LRBA: variants seen among roughly 807,000 people sequenced by gnomAD.
The protein encoded by LRBA is lipopolysaccharide-responsive and beige-like anchor protein.
LRBA carries 176 observed loss-of-function variants against 330.0 expected under a neutral mutation model. The ratio of observed to expected loss-of-function variants is 0.53; its 90% CI spans 0.47 to 0.60. The LOEUF (loss-of-function observed/expected upper bound fraction) is 0.60, where lower values mean the gene tolerates loss of function less well. Among genes scored for constraint, LRBA ranks in the 20% least tolerant of loss-of-function variants. The probability of loss-of-function intolerance (pLI) is 0.00; values close to 1 mark genes in which losing one functional copy is unlikely to be tolerated. For missense variants in LRBA, 3,259 were observed against 3,444.8 expected, an observed-to-expected ratio of 0.95 and a Z score of 1.35; for synonymous variants, 1,230 against 1,193.0, an observed-to-expected ratio of 1.03 and a Z score of -0.64.
intron 56 of LRBA, among the ~76,000 whole-genome samples, chr4:150,274,208 A>G (rs1394695282): frequency 6.6e-6 from 1 of 152,246 alleles, no homozygotes. Flanking sequence ...CTGAATGACT[A>G]CTGGGCAAAT....
chr4:150,811,920 C>T (rs900999404), intron 31 of LRBA, among the ~76,000 whole-genome samples: 10 of 152,080 alleles, frequency 6.6e-5, no homozygotes, highest in African/African-American at 2.2e-4. Flanking sequence ...CTCACACTAC[C>T]CTAGAAGTAA....
chr4:150,416,627 G>C, intron 46 of LRBA, among the ~76,000 whole-genome samples: 1 of 121,840 alleles, frequency 8.2e-6, no homozygotes. Flanking sequence ...CATTTTAACT[G>C]AACAATTAAA....
In LRBA at chr4:150,483,106, AC is replaced by A. The variant is rs533393715; in HGVS notation, c.6551+4625del. 1.9e-3 allele frequency among the ~76,000 whole-genome samples: 287 copies of A among 152,116 alleles called. 1 individual carries two copies. The highest frequency in any genetic ancestry group is 6.5e-3 in the African/African-American group (268 of 41,536). On this transcript the variant is annotated intron_variant, in intron 42 of 56. Transcript: ENST00000651943. ...CCTATGTGTTCTTTCAAGAAGTTCT[AC>A]TTTTAGCACTTACGTTTGTCTACAC...
intron 2 of LRBA, among the ~76,000 whole-genome samples, chr4:150,992,770 T>C (rs1022682501): frequency 6.6e-6 from 1 of 152,206 alleles, no homozygotes; most frequent in African/African-American, 2.4e-5. Flanking sequence ...TACAGATTTG[T>C]TTGATAATCC....
intron 40 of LRBA, among the ~76,000 whole-genome samples, chr4:150,503,728 C>T (rs867316544): frequency 6.6e-6 from 1 of 152,170 alleles, no homozygotes; most frequent in Non-Finnish European, 1.5e-5. Context: ...AGCAACGGAA[C>T]AAAGCTGGAC....
intron 37 of LRBA, among the ~76,000 whole-genome samples, chr4:150,665,481 A>AAG (rs1441030124): frequency 6.6e-6 from 1 of 152,192 alleles, no homozygotes; most frequent in African/African-American, 2.4e-5. Context: ...CTTTTCTGCA[A>AAG]AGTTATATAA....
At chr4:150,463,089 C>G (rs1264704170) in intron 44 of LRBA, among the ~76,000 whole-genome samples, 4 of 151,930 alleles carry the variant, frequency 2.6e-5, no homozygotes, top group Non-Finnish European at 5.9e-5. Context: ...ATCTGATGTG[C>G]TTGATTATTT....
At chr4:150,730,537 G>T (rs1182175041) in intron 36 of LRBA, among the ~76,000 whole-genome samples, 2 of 151,920 alleles carry the variant, frequency 1.3e-5, no homozygotes, top group African/African-American at 4.8e-5. Flanking sequence ...ACAAAAATTA[G>T]CTAGGCATGA....
intron 44 of LRBA, 142 bp from the exon 45 acceptor site, chr4:150,437,006 A>G: frequency 5.4e-6 from 4 of 734,298 alleles, no homozygotes; most frequent in Non-Finnish European, 9.0e-6. Context: ...ACAGTATCAT[A>G]TTGGGAGTAA....
At chr4:150,743,837 A>G (rs1732334939) in intron 35 of LRBA, among the ~76,000 whole-genome samples, 2 of 152,220 alleles carry the variant, frequency 1.3e-5, no homozygotes, top group Non-Finnish European at 2.9e-5. Context: ...TTGAAGCTTT[A>G]CAACAATCAA....
intron 40 of LRBA, among the ~76,000 whole-genome samples, chr4:150,530,734 C>G (rs1763973906): frequency 1.3e-5 from 2 of 152,160 alleles, no homozygotes; most frequent in Non-Finnish European, 2.9e-5. Context: ...GCATCTCAAC[C>G]TGGGGAAACC....
At chr4:150,382,918 A>G (rs909026343) in intron 47 of LRBA, among the ~76,000 whole-genome samples, 1 of 152,258 alleles carries the variant, frequency 6.6e-6, no homozygotes, top group African/African-American at 2.4e-5. Context: ...ATATAGAAAT[A>G]AATTGCAAAA....
chr4:150,849,515 G>A lies in LRBA; in HGVS notation c.4065C>T (p.His1355=), dbSNP rs1350274783. ...CTTGAGAGATGAGATGAATTGTGTT[G>A]TGTACAAAGATGACATTATCACTGC... ...VNSSDNVIFV[H]NTIHLISQVM... The change falls in exon 25 of 57, where the codon CAC becomes CAT. Residue 1355 remains histidine, a synonymous_variant. Coordinates refer to ENST00000651943, the MANE Select transcript of LRBA (RefSeq NM_001364905.1). 2 of 1,613,078 alleles carry A rather than the reference G, an allele frequency of 1.2e-6. No homozygotes were observed. The highest frequency in any genetic ancestry group is 4.5e-5 in the East Asian group (2 of 44,866).
chr4:150,757,813 A>G (rs1582258508), intron 35 of LRBA, among the ~76,000 whole-genome samples: 1 of 152,306 alleles, frequency 6.6e-6, no homozygotes, highest in Admixed American at 6.5e-5. Context: ...CCACTATTTC[A>G]CTAATGAATC....
chr4:150,918,056 G>C (rs749565164), intron 5 of LRBA, among the ~76,000 whole-genome samples: 62 of 152,090 alleles, frequency 4.1e-4, no homozygotes, highest in Non-Finnish European at 8.1e-4. Flanking sequence ...CTTTGGTTAG[G>C]CAAATCCTTC....
At chr4:150,658,793 G>A (rs1400222965) in intron 37 of LRBA, among the ~76,000 whole-genome samples, 1 of 21,778 alleles carries the variant, frequency 4.6e-5, no homozygotes, top group African/African-American at 7.6e-5. Flanking sequence ...TCCCTCTCAT[G>A]CGGAGCCAAA....
At chr4:150,802,590 G>GTAA (rs1741824849) in intron 33 of LRBA, among the ~76,000 whole-genome samples, 4 of 151,764 alleles carry the variant, frequency 2.6e-5, no homozygotes, top group African/African-American at 9.7e-5. Context: ...CCTTACAAAG[G>GTAA]GTTATAACTA....
intron 36 of LRBA, among the ~76,000 whole-genome samples, chr4:150,731,750 A>G (rs1370284228): frequency 1.3e-5 from 2 of 152,180 alleles, no homozygotes; most frequent in Non-Finnish European, 2.9e-5. Flanking sequence ...TAAAAAAAAC[A>G]GAACAAATGA....
intron 35 of LRBA, among the ~76,000 whole-genome samples, chr4:150,756,721 T>C (rs1320225648): frequency 7.2e-5 from 11 of 152,142 alleles, no homozygotes; most frequent in Non-Finnish European, 4.4e-5. Flanking sequence ...TAACACTGAA[T>C]CCTCAGATTT....
Sources: allele counts gnomAD v4.1 joint callset (sites outside exome capture counted in the v4.1 genomes callset), GRCh38; gene constraint gnomAD v4.1.1; transcripts MANE v1.5; gene names NCBI Gene and HGNC (gene_info 2026-07-23, HGNC 2026-07-21).